BCL11A: variants seen among roughly 807,000 people sequenced by gnomAD.
BCL11A encodes B cell CLL/lymphoma 11A.
A neutral mutation model predicts 55.9 loss-of-function variants in BCL11A; 2 were observed. The ratio of observed to expected loss-of-function variants is 0.04; its 90% CI spans 0.01 to 0.11. The LOEUF (loss-of-function observed/expected upper bound fraction) is 0.11. Among genes scored for constraint, BCL11A ranks in the 10% least tolerant of loss-of-function variants. BCL11A has a pLI of 1.00. For missense variants in BCL11A, 817 were observed against 1,137.1 expected (o/e 0.72, Z 4.05); for synonymous variants, 465 against 473.4 (o/e 0.98, Z 0.23).
chr2:60,509,754 C>T (rs1679878858), intron 2 of BCL11A, among the ~76,000 whole-genome samples: 1 of 152,134 alleles, frequency 6.6e-6, no homozygotes, highest in South Asian at 2.1e-4. Flanking sequence ...TCAACTGGGG[C>T]TCTCCGAACA....
chr2:60,452,723 C>T, downstream of BCL11A: 2 of 1,381,828 alleles, frequency 1.4e-6, no homozygotes, highest in South Asian at 2.4e-5. Context: ...TGTGACTTGG[C>T]CCAATGATTT....
intron 2 of BCL11A, among the ~76,000 whole-genome samples, chr2:60,521,095 A>ACACT (rs1553347267): frequency 1.7e-4 from 24 of 141,702 alleles, no homozygotes; most frequent in African/African-American, 5.5e-4. Context: ...ACACACACAC[A>ACACT]CACACTCACA....
rs542631744 is a variant in BCL11A at position 60,530,533 on chromosome 2, G to A, written c.385+15438C>T. The stretch of plus-strand genomic sequence containing the variant: ...CAAGCCAGGAAAGATGATAGAACCC[G>A]CATATGTAGCCAAAAGACTGGCCTC... On this transcript the variant is annotated intron_variant, in intron 2 of 3. Coordinates refer to ENST00000642384, the MANE Select transcript of BCL11A (RefSeq NM_022893.4). 3.2e-4 allele frequency among the ~76,000 whole-genome samples: 49 copies of A among 151,220 alleles called. No homozygotes were observed. The South Asian group carries it at 9.6e-3, about 30-fold the overall frequency.
chr2:60,516,230 A>C (rs1367282616), intron 2 of BCL11A, among the ~76,000 whole-genome samples: 3 of 152,192 alleles, frequency 2.0e-5, no homozygotes, highest in African/African-American at 7.2e-5. Flanking sequence ...AGATGTGCTT[A>C]TTATGTGCAC....
downstream of BCL11A, chr2:60,452,315 G>A (rs1306799567): frequency 1.1e-5 from 4 of 376,626 alleles, no homozygotes; most frequent in South Asian, 4.2e-5. Context: ...TCATGACAGC[G>A]ATGGTCCACG....
intron 2 of BCL11A, among the ~76,000 whole-genome samples, chr2:60,518,597 G>C (rs1668837989): frequency 6.6e-6 from 1 of 152,150 alleles, no homozygotes; most frequent in Non-Finnish European, 1.5e-5. Flanking sequence ...AGGAAGCATT[G>C]CTCTAGATCT....
chr2:60,553,102 G>GT, intron 1 of BCL11A, 114 bp downstream of exon 1: 1 of 1,142,302 alleles, frequency 8.8e-7, no homozygotes, highest in Non-Finnish European at 1.2e-6. Flanking sequence ...GGTTTTTCTC[G>GT]TGAAAAATTT....
Position 60,461,775 on chromosome 2 carries a change from G to C in BCL11A, c.1137C>G (p.Cys379Trp). 2 of 1,612,120 alleles carry C rather than the reference G, an allele frequency of 1.2e-6. No individual in the cohort carries two copies. The highest frequency in any genetic ancestry group is 8.5e-7 in the Non-Finnish European group (1 of 1,179,522). ...PSQPPVKSKSCEFCGKTFKFQ... is the reference protein window; with the variant it reads ...PSQPPVKSKSWEFCGKTFKFQ... ...ATTTGAACGTCTTGCCGCAGAACTC[G>C]CATGACTTGGACTTGACCGGGGGCT... The change falls in exon 4 of 4, where the codon TGC (cysteine) becomes TGG (tryptophan). Residue 379 changes from cysteine to tryptophan, a missense_variant. Around this residue, in one of 4 missense-constraint regions of BCL11A, gnomAD observed 45 missense variants for 109.0 expected, o/e 0.41. Transcript: ENST00000642384.
At chr2:60,455,293 T>TA (rs921067336), downstream of BCL11A, among the ~76,000 whole-genome samples, 31 of 149,712 alleles carry the variant, frequency 2.1e-4, no homozygotes, top group East Asian at 5.8e-4. Context: ...GTTCCTCATT[T>TA]AAAAAAAAAA....
chr2:60,467,101 GGTGGTGGTA>G (rs1676667684), intron 3 of BCL11A, among the ~76,000 whole-genome samples: 6 of 149,646 alleles, frequency 4.0e-5, no homozygotes, highest in African/African-American at 2.5e-5. Context: ...TGGTGATGAT[GGTGGTGGTA>G]GTGGTGGTGG....
chr2:60,472,982 CGT>C (rs1000447840), intron 2 of BCL11A, among the ~76,000 whole-genome samples: 16 of 152,096 alleles, frequency 1.1e-4, no homozygotes, highest in Non-Finnish European at 2.1e-4. Flanking sequence ...CTAAAATGTA[CGT>C]GTGTGTGTGT....
intron 2 of BCL11A, among the ~76,000 whole-genome samples, chr2:60,540,849 G>C (rs1431733271): frequency 1.3e-5 from 2 of 152,042 alleles, no homozygotes; most frequent in Admixed American, 6.6e-5. Flanking sequence ...TTCACTAAGA[G>C]AAAGGTGTGC....
In BCL11A at chr2:60,545,686, G is replaced by C. The variant is rs574237684; in HGVS notation, c.385+285C>G. On this transcript the variant is annotated intron_variant, in intron 2 of 3. Coordinates refer to ENST00000642384, the MANE Select transcript of BCL11A (RefSeq NM_022893.4). ...GCTCAATACTTCAAAATGAGAAGGTGGGGATGGGGAAGAAAAGAAATCCAA... is the reference window on the plus strand; with the variant it reads ...GCTCAATACTTCAAAATGAGAAGGTCGGGATGGGGAAGAAAAGAAATCCAA... 7.8e-6 allele frequency: 3 copies of C among 385,292 alleles called. No homozygotes were observed. In the South Asian group the frequency reaches 9.0e-5, roughly 12 times the overall value. 23.9% of individuals were successfully genotyped at this position (385,292 alleles called of 1,614,324 possible). A position where few individuals can be genotyped will look rare whatever the true frequency, so the allele number is the denominator to read the frequency against.
intron 2 of BCL11A, among the ~76,000 whole-genome samples, chr2:60,523,756 T>G (rs1455401882): frequency 6.6e-6 from 1 of 152,118 alleles, no homozygotes; most frequent in Non-Finnish European, 1.5e-5. Flanking sequence ...AGAAATACAT[T>G]TAGAAATCAT....
intron 2 of BCL11A, among the ~76,000 whole-genome samples, chr2:60,502,724 A>C (rs1236009084): frequency 6.6e-6 from 1 of 152,280 alleles, no homozygotes; most frequent in African/African-American, 2.4e-5. Context: ...TCATCAGAGA[A>C]AAACAAATTT....
In BCL11A at chr2:60,470,792, GTTTGTT is replaced by G. The variant is rs906894492; in HGVS notation, c.386-1965_386-1960del. 2.8e-3 allele frequency among the ~76,000 whole-genome samples: 420 copies of G among 152,276 alleles called. 1 individual carries two copies. Among genetic ancestry groups the G allele is most frequent in the Admixed American group, 0.016 (243 of 15,290 alleles). On this transcript the variant is annotated intron_variant, in intron 2 of 3. Coordinates refer to ENST00000642384, the MANE Select transcript of BCL11A (RefSeq NM_022893.4). ...TCTCATCTGACTATCTGGCAGCATAGTTTGTTTTTGTTTTTGTTTTTGTTTTTGTTT... is the reference window on the plus strand; with the variant it reads ...TCTCATCTGACTATCTGGCAGCATAGTTTGTTTTTGTTTTTGTTTTTGTTT...
Position 60,461,376 on chromosome 2 carries a change from G to A in BCL11A, c.1536C>T (p.Asp512=). The A allele has an allele frequency of 6.2e-7, 1 of 1,606,322 alleles. No individual in the cohort carries two copies. Among genetic ancestry groups the A allele is most frequent in the Non-Finnish European group, 8.5e-7 (1 of 1,179,252 alleles). The change falls in exon 4 of 4, where the codon GAC becomes GAT. Residue 512 remains aspartate (D), a synonymous_variant. Coordinates refer to ENST00000642384, the MANE Select transcript of BCL11A (RefSeq NM_022893.4). ...CCTCCAGGCTCAGCCCGAAGCCGTA[G>A]TCCACCCTCTCGCTCTCCGTCAGCT... is the stretch of plus-strand genomic sequence containing the variant. ...EEELTESERV[D]YGFGLSLEAA...
chr2:60,522,247 C>T (rs1669027309), intron 2 of BCL11A: 1 of 152,264 alleles, frequency 6.6e-6, no homozygotes, highest in Non-Finnish European at 1.5e-5. Context: ...CCTCCCTAGC[C>T]CATTTTATTA....
chr2:60,537,157 CT>C (rs1170557682), intron 2 of BCL11A: 1 of 145,338 alleles, frequency 6.9e-6, no homozygotes, highest in African/African-American at 2.5e-5. Flanking sequence ...TAAATTTTTC[CT>C]TATTGATTTT....
Sources: gnomAD v4.1 joint callset for allele counts (sites outside exome capture counted in the v4.1 genomes callset) on GRCh38, gnomAD v4.1.1 for gene constraint, gnomAD v4.1.1 regional missense constraint, MANE v1.5 for transcripts, NCBI Gene and HGNC (gene_info 2026-07-23, HGNC 2026-07-21) for gene names.